GLDC: variants seen among roughly 807,000 people sequenced by gnomAD.
GLDC encodes the protein glycine dehydrogenase (decarboxylating), mitochondrial.
In GLDC, 104 loss-of-function variants were observed where a neutral mutation model predicts 121.3. That is an observed-to-expected ratio of 0.86 (90% CI 0.73 to 1.01). GLDC has a LOEUF of 1.01. GLDC is among the 50% of genes least tolerant of loss of function. The pLI is 0.00. For missense variants in GLDC, 1,429 were observed against 1,306.6 expected (o/e 1.09, Z -1.44); for synonymous variants, 546 against 480.6 (o/e 1.14, Z -1.78).
chr9:6,555,380 G>T (rs1207056743), intron 18 of GLDC, among the ~76,000 whole-genome samples: 3 of 152,172 alleles, frequency 2.0e-5, no homozygotes, highest in East Asian at 3.9e-4. Context: ...GTGACCAAAG[G>T]TACAGAATTC....
intron 21 of GLDC, among the ~76,000 whole-genome samples, chr9:6,546,340 G>C (rs1817388302): frequency 6.7e-6 from 1 of 150,146 alleles, no homozygotes; most frequent in Non-Finnish European, 1.5e-5. Flanking sequence ...CTACAGGTGT[G>C]CACCACCATG....
chr9:6,616,660 C>G (rs543869803), intron 3 of GLDC, among the ~76,000 whole-genome samples: 1 of 152,168 alleles, frequency 6.6e-6, no homozygotes, highest in African/African-American at 2.4e-5. Flanking sequence ...TCTATAATGT[C>G]TATGTTCCAA....
intron 7 of GLDC, among the ~76,000 whole-genome samples, chr9:6,604,213 A>G (rs7035481): frequency 0.023 from 3,557 of 152,258 alleles, 140 homozygotes; most frequent in African/African-American, 0.081. Flanking sequence ...CTCAGTGTGT[A>G]CTTTGCAGTC....
intron 15 of GLDC, among the ~76,000 whole-genome samples, chr9:6,574,301 C>G (rs1406805282): frequency 6.6e-6 from 1 of 151,978 alleles, no homozygotes; most frequent in Non-Finnish European, 1.5e-5. Flanking sequence ...AACCCCATCT[C>G]TACTAAAAAT....
rs62569044 is a variant in GLDC, at chr9:6,608,184, C to A, written c.636-1515G>T. On this transcript the variant is annotated intron_variant, in intron 4 of 24. Transcript: ENST00000321612. Reference sequence around the variant, plus strand: ...ATCCCAGCACTTTGGGAGGCCGAGGCGGGCAGATCACGAGGTCAGGAGATC... The same window carrying A: ...ATCCCAGCACTTTGGGAGGCCGAGGAGGGCAGATCACGAGGTCAGGAGATC... 3.4e-3 allele frequency among the ~76,000 whole-genome samples: 508 copies of A among 151,408 alleles called. 3 individuals are homozygous for A. The highest frequency in any genetic ancestry group is 5.9e-3 in the Non-Finnish European group (400 of 67,886).
At chr9:6,616,290 C>T (rs1379057453) in intron 3 of GLDC, among the ~76,000 whole-genome samples, 1 of 152,208 alleles carries the variant, frequency 6.6e-6, no homozygotes, top group Non-Finnish European at 1.5e-5. Context: ...TCTTTTCTGT[C>T]CCTTATGTAA....
intron 15 of GLDC, among the ~76,000 whole-genome samples, chr9:6,583,382 A>T (rs974997098): frequency 1.3e-5 from 2 of 152,226 alleles, no homozygotes; most frequent in Admixed American, 6.5e-5. Context: ...ATTCCACCTT[A>T]AAAGGAAGTA....
At chr9:6,622,748 G>T in intron 2 of GLDC, 2 of 211,720 alleles carry the variant, frequency 9.4e-6, no homozygotes, top group Non-Finnish European at 1.9e-5. Flanking sequence ...GCCCAGTCTG[G>T]AAAGTGAGGA....
chr9:6,611,530 TG>T (rs1483682345), intron 3 of GLDC, among the ~76,000 whole-genome samples: 1 of 145,738 alleles, frequency 6.9e-6, no homozygotes, highest in African/African-American at 2.5e-5. Flanking sequence ...TACTCCAGCC[TG>T]GGCAACAGAG....
chr9:6,601,034 G>A (rs1563854864), intron 8 of GLDC, among the ~76,000 whole-genome samples: 1 of 152,088 alleles, frequency 6.6e-6, no homozygotes, highest in African/African-American at 2.4e-5. Flanking sequence ...CTAGCCTGGC[G>A]CTGTGGCAGG....
intron 2 of GLDC, among the ~76,000 whole-genome samples, chr9:6,641,784 A>G (rs530439921): frequency 1.3e-5 from 2 of 152,318 alleles, no homozygotes; most frequent in East Asian, 3.9e-4. Flanking sequence ...ACTGATCACA[A>G]TCTTTACTCT....
At chr9:6,548,697 C>T (rs1202188127) in intron 21 of GLDC, among the ~76,000 whole-genome samples, 1 of 152,104 alleles carries the variant, frequency 6.6e-6, no homozygotes, top group African/African-American at 2.4e-5. Flanking sequence ...TGGGCTGGTT[C>T]CTGACGTCTG....
chr9:6,566,927 T>C (rs1471644856), intron 15 of GLDC, among the ~76,000 whole-genome samples: 1 of 152,178 alleles, frequency 6.6e-6, no homozygotes, highest in African/African-American at 2.4e-5. Flanking sequence ...GAGTGCTACA[T>C]GCCAAATGGC....
intron 15 of GLDC, among the ~76,000 whole-genome samples, chr9:6,569,849 A>G (rs1363610734): frequency 6.6e-6 from 1 of 151,922 alleles, no homozygotes; most frequent in Non-Finnish European, 1.5e-5. Context: ...GGTGGTGTGC[A>G]TCTGTAATCC....
At chr9:6,605,102 C>A (rs372296570) in intron 6 of GLDC, 29 bp downstream of exon 6, 2 of 1,605,604 alleles carry the variant, frequency 1.2e-6, no homozygotes, top group Non-Finnish European at 1.7e-6. Flanking sequence ...TACGCCTCCA[C>A]GGACCCCCCA....
chr9:6,562,436 C>T (rs55814550), intron 16 of GLDC, among the ~76,000 whole-genome samples: 1,624 of 152,286 alleles, frequency 0.011, 27 homozygotes, highest in Non-Finnish European at 0.019. Context: ...ATATATTTTG[C>T]TGGATTCCAT....
At chr9:6,625,066 T>C (rs928742401) in intron 2 of GLDC, among the ~76,000 whole-genome samples, 1 of 151,966 alleles carries the variant, frequency 6.6e-6, no homozygotes, top group African/African-American at 2.4e-5. Flanking sequence ...AAGATTCTAC[T>C]AGTGGAAGTA....
chr9:6,559,674 G>C (rs1817710345), intron 16 of GLDC, among the ~76,000 whole-genome samples: 1 of 151,884 alleles, frequency 6.6e-6, no homozygotes, highest in African/African-American at 2.4e-5. Context: ...AATTAGCCAG[G>C]TGTGGTGACG....
chr9:6,537,153 T>C (rs1190266772), intron 22 of GLDC, among the ~76,000 whole-genome samples: 4 of 151,934 alleles, frequency 2.6e-5, no homozygotes, highest in African/African-American at 9.7e-5. Context: ...ACCTAAGCCT[T>C]CCAAGTAGCT....
Sources: allele counts gnomAD v4.1 joint callset (sites outside exome capture counted in the v4.1 genomes callset), GRCh38; gene constraint gnomAD v4.1.1; transcripts MANE v1.5; gene names NCBI Gene and HGNC (gene_info 2026-07-23, HGNC 2026-07-21).